TIMM50: variants seen among roughly 807,000 people sequenced by gnomAD.
The protein encoded by TIMM50 is translocase of inner mitochondrial membrane 50, also known as mitochondrial import inner membrane translocase subunit TIM50.
A neutral mutation model predicts 49.6 loss-of-function variants in TIMM50; 34 were observed. The ratio of observed to expected loss-of-function variants is 0.69; its 90% CI spans 0.52 to 0.91. The LOEUF (loss-of-function observed/expected upper bound fraction) is 0.91. Among genes scored for constraint, TIMM50 ranks in the 40% least tolerant of loss-of-function variants. TIMM50 has a pLI of 0.00. For synonymous variants in TIMM50, 199 were observed against 198.4 expected (o/e 1.00, Z -0.03); for missense variants, 458 against 477.8 (o/e 0.96, Z 0.39).
At chr19:39,489,191 A>T (rs1470777195) in intron 10 of TIMM50, among the ~76,000 whole-genome samples, 5 of 150,986 alleles carry the variant, frequency 3.3e-5, no homozygotes, top group African/African-American at 1.2e-4. Flanking sequence ...GGGCCTGGGG[A>T]CCCCCCAGGG....
In TIMM50 at chr19:39,490,144, C is replaced by CT. The variant is rs2079535616; in HGVS notation, c.*325dup. On this transcript the variant is annotated 3_prime_UTR_variant, in exon 11 of 11. Coordinates refer to ENST00000607714, the MANE Select transcript of TIMM50 (RefSeq NM_001001563.5). Reference sequence around the variant, plus strand: ...AAATACATCTCCCTCTGACCACAGACTCCTCATCTGTGGAGAAGGGAAGAG... The same window carrying CT: ...AAATACATCTCCCTCTGACCACAGACTTCCTCATCTGTGGAGAAGGGAAGAG... 3.2e-6 allele frequency: 1 copy of CT among 313,512 alleles called. No individual in the cohort carries two copies. Among genetic ancestry groups the CT allele is most frequent in the African/African-American group, 2.1e-5 (1 of 47,590 alleles). The allele number at this position is 313,512 out of a possible 1,614,324, so 19.4% of individuals were successfully genotyped here. A position where few individuals can be genotyped will look rare whatever the true frequency, so the allele number is the denominator to read the frequency against.
Position 39,480,958 on chromosome 19 carries a change from T to G in TIMM50, c.105T>G (p.Asp35Glu), listed in dbSNP as rs1423020051. 6.3e-7 allele frequency: 1 copy of G among 1,582,634 alleles called. No homozygotes were observed. Among genetic ancestry groups the G allele is most frequent in the East Asian group, 2.3e-5 (1 of 44,252 alleles). ...CGACGCCGCCCCGCCGGGCCCCAGA[T>G]CAGGTGAGCGGAACGAGGGTGGCCC... Reference protein sequence around the residue: ...RLATPPRRAPDQAAEIGSRGS... With the variant: ...RLATPPRRAPEQAAEIGSRGS... Residue 35 changes from aspartate to glutamate, a missense_variant, in exon 1 of 11, where the codon GAT becomes GAG. By Grantham distance (45) the Asp-to-Glu change is conservative. Coordinates refer to ENST00000607714, the MANE Select transcript of TIMM50 (RefSeq NM_001001563.5).
rs1000803942 is a variant in TIMM50, at chr19:39,493,704, C to G, written c.*3884C>G. ...TCCCAAATACTATAAAACAGCCCCA[C>G]CCCTATCTCCCTTCGCTGACTCTTT... On this transcript the variant is annotated 3_prime_UTR_variant, in exon 11 of 11. Coordinates refer to ENST00000607714, the MANE Select transcript of TIMM50 (RefSeq NM_001001563.5). 4 of 152,286 alleles carry G rather than the reference C, an allele frequency of 2.6e-5. No homozygotes were observed. Among genetic ancestry groups the G allele is most frequent in the African/African-American group, 9.6e-5 (4 of 41,548 alleles). 9.4% of individuals were successfully genotyped at this position (152,286 alleles called of 1,614,324 possible).
chr19:39,483,992 T>C (rs1361407880), intron 4 of TIMM50, among the ~76,000 whole-genome samples: 2 of 151,940 alleles, frequency 1.3e-5, no homozygotes, highest in Non-Finnish European at 2.9e-5. Flanking sequence ...TAGCTGGGAG[T>C]ACAGGCGCAC....
intron 2 of TIMM50, 72 bp downstream of exon 2, chr19:39,482,105 T>G (rs2079476608): frequency 1.6e-5 from 25 of 1,558,512 alleles, no homozygotes; most frequent in Non-Finnish European, 2.2e-5. Flanking sequence ...CTCCCACTCT[T>G]GCCCACTACC....
At chr19:39,482,763 C>G in intron 2 of TIMM50, 122 bp from the exon 3 acceptor site, 1 of 1,359,456 alleles carries the variant, frequency 7.4e-7, no homozygotes, top group Non-Finnish European at 1.0e-6. Flanking sequence ...TGGCTTGACT[C>G]CAGGAGGCTG....
At chr19:39,488,390 G>C in intron 9 of TIMM50, 149 bp from the exon 10 acceptor site, 1 of 1,065,688 alleles carries the variant, frequency 9.4e-7, no homozygotes, top group Non-Finnish European at 1.4e-6. Context: ...GATACTTGGG[G>C]ATGTTCAGGG....
At chr19:39,487,975 T>C in intron 8 of TIMM50, 86 bp from the exon 9 acceptor site, 1 of 1,395,652 alleles carries the variant, frequency 7.2e-7, no homozygotes, top group Non-Finnish European at 9.3e-7. Flanking sequence ...ATGCTGTGTA[T>C]GTATGTATGT....
intron 4 of TIMM50, chr19:39,483,451 C>A (rs1268691542): frequency 2.0e-5 from 9 of 448,392 alleles, no homozygotes; most frequent in Admixed American, 1.2e-4. Flanking sequence ...GTGCCTTAGA[C>A]CAAGCATCTG....
In TIMM50 at chr19:39,488,533, C is replaced by T; in HGVS notation, c.854-6C>T. On this transcript the variant is annotated splice_region_variant and splice_polypyrimidine_tract_variant and intron_variant, in intron 9 of 10. Coordinates refer to ENST00000607714, the MANE Select transcript of TIMM50 (RefSeq NM_001001563.5). ...CCTGGCTGACCACCCCCTGTTGTGC[C>T]CACAGCCATTGCACTGAATGGTGTG... The T allele has an allele frequency of 2.5e-6, 4 of 1,612,034 alleles. No individual in the cohort carries two copies. The highest frequency in any genetic ancestry group is 3.4e-6 in the Non-Finnish European group (4 of 1,179,482).
In TIMM50 at chr19:39,485,827, G is replaced by A. The variant is rs750852625; in HGVS notation, c.492+20G>A. 2 of 1,613,628 alleles carry A rather than the reference G, an allele frequency of 1.2e-6. No individual in the cohort carries two copies. The highest frequency in any genetic ancestry group is 2.7e-5 in the African/African-American group (2 of 74,924). ...TGGTCGGTGTGTCCCGGGAAACCCAGTGGGTTGGGGATAGACCTGGGCAGT... is the reference window on the plus strand; with the variant it reads ...TGGTCGGTGTGTCCCGGGAAACCCAATGGGTTGGGGATAGACCTGGGCAGT... On this transcript the variant is annotated intron_variant, in intron 6 of 10. Coordinates refer to ENST00000607714, the MANE Select transcript of TIMM50 (RefSeq NM_001001563.5).
intron 4 of TIMM50, 186 bp downstream of exon 4, chr19:39,483,342 C>T (rs1359514514): frequency 1.5e-6 from 1 of 687,308 alleles, no homozygotes; most frequent in Non-Finnish European, 2.5e-6. Context: ...CCTGGCCCCT[C>T]AGCCCCGAGC....
chr19:39,481,049 C>A, intron 1 of TIMM50, 88 bp downstream of exon 1: 2 of 1,425,236 alleles, frequency 1.4e-6, no homozygotes, highest in South Asian at 2.9e-5. Context: ...TTCCGGGACG[C>A]CTCACCTCAG....
intron 3 of TIMM50, 47 bp from the exon 4 acceptor site, chr19:39,483,088 T>C: frequency 6.2e-7 from 1 of 1,613,844 alleles, no homozygotes; most frequent in African/African-American, 1.3e-5. Flanking sequence ...GTGATGGGGT[T>C]CTGCCTCTGA....
rs192925591 is a variant in TIMM50 at position 39,487,734 on chromosome 19, C to T, written c.697-327C>T. 4.6e-5 allele frequency among the ~76,000 whole-genome samples: 7 copies of T among 152,218 alleles called. No individual in the cohort carries two copies. In the East Asian group the frequency reaches 7.7e-4, roughly 17 times the overall value. On this transcript the variant is annotated intron_variant, in intron 8 of 10. Coordinates refer to ENST00000607714, the MANE Select transcript of TIMM50 (RefSeq NM_001001563.5). ...TTGGCCTCCCAAAATTCTGGGAGTA[C>T]GGTCGTGAGCCACCGCACCCGGCCA...
rs1412541120 is a variant in TIMM50, at chr19:39,492,309, GTC to G, written c.*2493_*2494del. On this transcript the variant is annotated 3_prime_UTR_variant, in exon 11 of 11. Transcript: ENST00000607714. ...AGCCTGGGCAACATGGGAAGAGCCT[GTC>G]TCTTGCGGGGGGGGGAGAAGAAAGT... The G allele has an allele frequency of 7.4e-6, 1 of 134,690 alleles. No homozygotes were observed. The highest frequency in any genetic ancestry group is 1.6e-5 in the Non-Finnish European group (1 of 60,728). The allele number at this position is 134,690 out of a possible 1,614,324, so 8.3% of individuals were successfully genotyped here.
chr19:39,488,920 G>C (rs1359574170), intron 10 of TIMM50, among the ~76,000 whole-genome samples: 3 of 152,144 alleles, frequency 2.0e-5, no homozygotes, highest in Non-Finnish European at 4.4e-5. Context: ...TGATGGTCTT[G>C]AGTAGGTCTG....
chr19:39,481,380 T>A, intron 1 of TIMM50: 1 of 265,170 alleles, frequency 3.8e-6, no homozygotes, highest in Non-Finnish European at 7.2e-6. Context: ...CATTCTGACC[T>A]CCAAGTCTAT....
At position 39,486,269 on chromosome 19, in the gene TIMM50, T is replaced by C. The variant is rs1423502540; in HGVS notation, c.575T>C (p.Ile192Thr). ...QQLAPLYEIV[I>T]FTSETGMTAF... ...CTTGCCCCTTTATATGAAATTGTCA[T>C]CTTTACGTCAGAGACTGGCATGGTG... is the stretch of plus-strand genomic sequence containing the variant. The change falls in exon 7 of 11, where the codon ATC becomes ACC. Residue 192 changes from isoleucine (I) to threonine (T), a missense_variant. Coordinates refer to ENST00000607714, the MANE Select transcript of TIMM50 (RefSeq NM_001001563.5). 1.2e-6 allele frequency: 2 copies of C among 1,614,094 alleles called. No homozygotes were observed.
Sources: allele counts gnomAD v4.1 joint callset (sites outside exome capture counted in the v4.1 genomes callset), GRCh38; gene constraint gnomAD v4.1.1; transcripts MANE v1.5; gene names NCBI Gene and HGNC (gene_info 2026-07-23, HGNC 2026-07-21).